PAX8: variants seen among roughly 807,000 people sequenced by gnomAD.
PAX8 encodes the protein paired box 8.
A neutral mutation model predicts 52.4 loss-of-function variants in PAX8; 15 were observed. The ratio of observed to expected loss-of-function variants is 0.29; its 90% confidence interval spans 0.19 to 0.44. The LOEUF is 0.44. Ranked by LOEUF, PAX8 falls within the 20% of genes least tolerant of loss-of-function variation. PAX8 has a pLI of 1.00. For synonymous variants in PAX8, 284 were observed against 249.7 expected (o/e 1.14, Z -1.29); for missense variants, 554 against 602.5 (o/e 0.92, Z 0.84).
At chr2:113,241,900 G>C (rs1690879932) in intron 6 of PAX8, 108 bp downstream of exon 6, 2 of 1,465,442 alleles carry the variant, frequency 1.4e-6, no homozygotes, top group African/African-American at 1.4e-5. Context: ...GTCACATGCA[G>C]AGCCCCTACA....
In PAX8 at chr2:113,242,008, T is replaced by G. The variant is rs1690894939; in HGVS notation, c.601A>C (p.Ser201Arg). The G allele has an allele frequency of 3.1e-6, 5 of 1,613,512 alleles. No individual in the cohort carries two copies. In the South Asian group the frequency reaches 5.5e-5, roughly 18 times the overall value. ...GCTGCCCTCCTGTCCCAGCACTCAC[T>G]GTCATCCATTTTCCTCTTGTCGCTG... ...PGSDKRKMDD[S>R]DQDSCRLSID... The change falls in exon 6 of 12, where the codon AGT becomes CGT. Residue 201 changes from serine (S) to arginine (R), a missense_variant and splice_region_variant. Ser to Arg is a moderately radical substitution (Grantham distance 110, BLOSUM62 -1). Transcript: ENST00000429538.
chr2:113,252,384 C>G (rs184508865), intron 2 of PAX8, among the ~76,000 whole-genome samples: 1 of 152,320 alleles, frequency 6.6e-6, no homozygotes, highest in East Asian at 1.9e-4. Context: ...TGTGCCACCT[C>G]CCAGCTAATC....
intron 2 of PAX8, among the ~76,000 whole-genome samples, chr2:113,251,513 C>T (rs1274099738): frequency 2.6e-5 from 4 of 152,078 alleles, no homozygotes; most frequent in African/African-American, 9.7e-5. Flanking sequence ...CGGATGCAAG[C>T]AGGTTCCTGA....
Position 113,235,544 on chromosome 2 carries a change from C to CG in PAX8, c.936dup (p.Glu313ArgfsTer6). 1.2e-6 allele frequency: 2 copies of CG among 1,613,648 alleles called. No individual in the cohort carries two copies. The highest frequency in any genetic ancestry group is 1.7e-6 in the Non-Finnish European group (2 of 1,179,714). On this transcript the variant is annotated frameshift_variant, in exon 9 of 12. Transcript: ENST00000429538. LOFTEE classifies it high-confidence loss of function. ...GGGGTGGAGCTAGAACTGGACACCT[C>CG]GGGGGTTTCCTGCTTTATGGCGAAG...
At chr2:113,242,282 G>T in intron 5 of PAX8, 152 bp from the exon 6 acceptor site, 2 of 653,338 alleles carry the variant, frequency 3.1e-6, no homozygotes, top group South Asian at 3.7e-5. Flanking sequence ...CAGCCCTGGG[G>T]TGACTCTGGG....
At chr2:113,226,259 G>A in intron 10 of PAX8, 1 of 985,432 alleles carries the variant, frequency 1.0e-6, no homozygotes, top group Non-Finnish European at 1.2e-6. Context: ...AGCCAGAGAG[G>A]CTGGCCTAGG....
rs539194791 is a variant in PAX8, at chr2:113,216,891, A to C, written c.*1642T>G. The C allele has an allele frequency of 8.8e-6, 2 of 227,826 alleles. No individual in the cohort carries two copies. Among genetic ancestry groups the C allele is most frequent in the South Asian group, 3.6e-4 (2 of 5,482 alleles). 14.1% of individuals were successfully genotyped at this position (227,826 alleles called of 1,614,324 possible). ...TTTTTTTCAAAGCCTCAGTTTCCTCATATGTAAAATGAAGCTGTATGTAAA... is the reference window on the plus strand; with the variant it reads ...TTTTTTTCAAAGCCTCAGTTTCCTCCTATGTAAAATGAAGCTGTATGTAAA... On this transcript the variant is annotated 3_prime_UTR_variant, in exon 12 of 12. Transcript: ENST00000429538.
chr2:113,261,330 G>A (rs1291287934), intron 2 of PAX8, among the ~76,000 whole-genome samples: 2 of 152,102 alleles, frequency 1.3e-5, no homozygotes, highest in Non-Finnish European at 2.9e-5. Flanking sequence ...ACAACTCTGG[G>A]ACTGCCCTCA....
chr2:113,242,922 C>T, intron 4 of PAX8, 144 bp from the exon 5 acceptor site: 2 of 697,822 alleles, frequency 2.9e-6, no homozygotes, highest in Non-Finnish European at 5.3e-6. Context: ...AAGTCTGTGA[C>T]CCTACTCCGC....
intron 6 of PAX8, 64 bp downstream of exon 6, chr2:113,241,944 C>A: frequency 6.3e-7 from 1 of 1,586,372 alleles, no homozygotes; most frequent in Non-Finnish European, 8.6e-7. Flanking sequence ...GGTTTCTGTC[C>A]CCATCAAAGC....
intron 9 of PAX8, among the ~76,000 whole-genome samples, chr2:113,235,065 A>G (rs1367202166): frequency 6.6e-6 from 1 of 152,114 alleles, no homozygotes; most frequent in Non-Finnish European, 1.5e-5. Flanking sequence ...TCCCTCCAAA[A>G]TGTTCATTTT....
Position 113,236,583 on chromosome 2 carries a change from A to T in PAX8, c.898+18T>A, listed in dbSNP as rs746792634. 6.4e-7 allele frequency: 1 copy of T among 1,554,934 alleles called. No individual in the cohort carries two copies. On this transcript the variant is annotated intron_variant, in intron 8 of 11. Transcript: ENST00000429538. ...GTCCCCCGCCCTCCACCTGCCAGGG[A>T]GGCTCCGGGCGTTGTACCTGCCACC...
intron 1 of PAX8, 153 bp downstream of exon 1, chr2:113,278,678 C>T: frequency 3.2e-6 from 2 of 633,474 alleles, no homozygotes; most frequent in Non-Finnish European, 5.2e-6. Flanking sequence ...AAGCTCCAGA[C>T]TCCAACCTCC....
rs544048602 is a variant in PAX8 at position 113,234,392 on chromosome 2, T to G, written c.1087+1002A>C. On this transcript the variant is annotated intron_variant, in intron 9 of 11. Transcript: ENST00000429538. ...AGTGCAGGCCCAGGCCTCAACCAGC[T>G]ACAGATGGTGCTCCTGCCCAGAGAC... Among the ~76,000 whole-genome samples, 15 of 152,346 alleles carry G rather than the reference T, an allele frequency of 9.8e-5. No homozygotes were observed. The South Asian group carries it at 3.1e-3, about 32-fold the overall frequency.
chr2:113,224,839 TATAAAATAAAATAAAATAAAATAAA>T (rs56177103), intron 10 of PAX8, among the ~76,000 whole-genome samples: 2,085 of 143,632 alleles, frequency 0.015, 20 homozygotes, highest in Admixed American at 0.017. Flanking sequence ...TAAAATAAAA[TATAAAATAAAATAAAATAAAATAAA>T]ATAAAATAAA....
intron 2 of PAX8, chr2:113,265,552 G>A (rs751245990): frequency 6.6e-6 from 1 of 152,408 alleles, no homozygotes; most frequent in Non-Finnish European, 1.5e-5. Flanking sequence ...TCTCCTCTGA[G>A]CCACCTTAAG....
intron 4 of PAX8, among the ~76,000 whole-genome samples, chr2:113,244,208 C>T (rs1691116011): frequency 6.6e-5 from 10 of 152,112 alleles, no homozygotes. Flanking sequence ...CACACTATGG[C>T]TGGGGGCCAG....
intron 2 of PAX8, among the ~76,000 whole-genome samples, chr2:113,255,967 T>C (rs1212244548): frequency 1.3e-5 from 2 of 149,442 alleles, no homozygotes; most frequent in East Asian, 3.9e-4. Flanking sequence ...CAGTGCTGCA[T>C]GCATATGCCT....
At position 113,235,443 on chromosome 2, in the gene PAX8, G is replaced by A. The variant is rs1353448396; in HGVS notation, c.1038C>T (p.Pro346=). Residue 346 remains proline (P), a synonymous_variant, in exon 9 of 12, where the codon CCC becomes CCT. Transcript: ENST00000429538. ...GSGVPPFNAF[P]HAASVYGQFT... is the part of the protein sequence containing the mutation. The stretch of plus-strand genomic sequence containing the variant: ...ACTGCCCGTACACGGAGGCAGCATG[G>A]GGAAAGGCATTGAAGGGCGGGACCC... The A allele has an allele frequency of 6.2e-7, 1 of 1,609,130 alleles. No homozygotes were observed. The highest frequency in any genetic ancestry group is 8.5e-7 in the Non-Finnish European group (1 of 1,177,822).
Sources: allele counts gnomAD v4.1 joint callset (sites outside exome capture counted in the v4.1 genomes callset), GRCh38; gene constraint gnomAD v4.1.1; transcripts MANE v1.5; gene names NCBI Gene and HGNC (gene_info 2026-07-23, HGNC 2026-07-21).